Variants in ULK4 observed in about 807,000 individuals in gnomAD.
ULK4 encodes inactive serine/threonine-protein kinase ULK4.
In ULK4, 133 loss-of-function variants were observed where a neutral mutation model predicts 160.6. That is an observed-to-expected ratio of 0.83 (90% CI 0.72 to 0.96). The LOEUF is 0.96. Among genes scored for constraint, ULK4 ranks in the 40% least tolerant of loss-of-function variants. The pLI is 0.00. For synonymous variants in ULK4, 534 were observed against 539.8 expected (o/e 0.99, Z 0.15); for missense variants, 1,580 against 1,499.5 (o/e 1.05, Z -0.89).
chr3:41,843,832 G>T (rs945487444), intron 17 of ULK4, among the ~76,000 whole-genome samples: 1 of 152,076 alleles, frequency 6.6e-6, no homozygotes, highest in Non-Finnish European at 1.5e-5. Flanking sequence ...TGGTAGAGCC[G>T]AGTGGTCTGT....
intron 31 of ULK4, among the ~76,000 whole-genome samples, chr3:41,589,430 CAA>C (rs34913730): frequency 6.9e-5 from 5 of 72,110 alleles, no homozygotes; most frequent in African/African-American, 1.1e-4. Flanking sequence ...AAGGCCAGGC[CAA>C]AAAAAAAAAA....
intron 35 of ULK4, among the ~76,000 whole-genome samples, chr3:41,386,668 G>A (rs2081819359): frequency 6.6e-6 from 1 of 152,078 alleles, no homozygotes; most frequent in East Asian, 1.9e-4. Flanking sequence ...TACTCAATTA[G>A]TCACCAGACC....
At chr3:41,699,500 A>G (rs953475266) in intron 27 of ULK4, among the ~76,000 whole-genome samples, 4 of 152,162 alleles carry the variant, frequency 2.6e-5, no homozygotes, top group Non-Finnish European at 5.9e-5. Context: ...CGAAACCACC[A>G]TGAGTGGGGA....
chr3:41,314,955 A>G (rs577529832), intron 35 of ULK4, among the ~76,000 whole-genome samples: 15 of 152,306 alleles, frequency 9.8e-5, no homozygotes, highest in African/African-American at 3.4e-4. Flanking sequence ...TTGTTTATGC[A>G]GGGTGTATTT....
chr3:41,318,457 TCA>T (rs946096030), intron 35 of ULK4, among the ~76,000 whole-genome samples: 3 of 152,212 alleles, frequency 2.0e-5, no homozygotes, highest in African/African-American at 7.2e-5. Flanking sequence ...GTTCAAAACT[TCA>T]GTTTTCTTAA....
intron 35 of ULK4, among the ~76,000 whole-genome samples, chr3:41,268,798 C>G (rs184465465): frequency 7.2e-6 from 1 of 138,076 alleles, no homozygotes; most frequent in Non-Finnish European, 1.5e-5. Flanking sequence ...AGCAAGACTC[C>G]GTCTCACACA....
intron 13 of ULK4, 96 bp from the exon 14 acceptor site, chr3:41,898,588 G>A: frequency 2.8e-6 from 2 of 707,280 alleles, no homozygotes; most frequent in Non-Finnish European, 4.6e-6. Context: ...AATCAATGAG[G>A]ACAAAAAAAG....
chr3:41,666,429 G>A (rs555881541), intron 29 of ULK4, among the ~76,000 whole-genome samples: 7 of 152,314 alleles, frequency 4.6e-5, no homozygotes, highest in Admixed American at 2.0e-4. Flanking sequence ...CCCTACACAT[G>A]ATGAGTTAAC....
intron 34 of ULK4, among the ~76,000 whole-genome samples, chr3:41,425,246 GA>G (rs1409000428): frequency 6.6e-6 from 1 of 151,786 alleles, no homozygotes; most frequent in African/African-American, 2.4e-5. Flanking sequence ...CAAGATTAGA[GA>G]AAAAATAATA....
rs1329561158 is a variant in ULK4 at position 41,663,654 on chromosome 3, A to G, written c.3024T>C (p.Ala1008=). 6.2e-7 allele frequency: 1 copy of G among 1,614,016 alleles called. No individual in the cohort carries two copies. Among genetic ancestry groups the G allele is most frequent in the Admixed American group, 1.7e-5 (1 of 60,030 alleles). ...CAGTCATCGCGACTAGCAGTTTCAGAGCATATGCTGGTACTGGGTCAGGTT... is the reference window on the plus strand; with the variant it reads ...CAGTCATCGCGACTAGCAGTTTCAGGGCATATGCTGGTACTGGGTCAGGTT... ...LLEPDPVPAY[A]LKLLVAMTEH... The change falls in exon 30 of 37, where the codon GCT becomes GCC. Residue 1008 remains alanine, a synonymous_variant. Transcript: ENST00000301831.
At chr3:41,943,368 A>G (rs367791762) in intron 2 of ULK4, among the ~76,000 whole-genome samples, 1 of 152,128 alleles carries the variant, frequency 6.6e-6, no homozygotes, top group African/African-American at 2.4e-5. Context: ...CTAAAACTGC[A>G]TTACCACCAA....
intron 19 of ULK4, among the ~76,000 whole-genome samples, chr3:41,813,279 C>T (rs1214219028): frequency 6.6e-6 from 1 of 152,082 alleles, no homozygotes; most frequent in Non-Finnish European, 1.5e-5. Context: ...ATCCTGCACA[C>T]ATACCCTAGA....
intron 32 of ULK4, among the ~76,000 whole-genome samples, chr3:41,562,823 G>A (rs1362289477): frequency 6.6e-6 from 1 of 152,118 alleles, no homozygotes; most frequent in Admixed American, 6.6e-5. Flanking sequence ...CAATTTGCCA[G>A]TCTGTGTCTT....
At chr3:41,587,333 C>G (rs994889329) in intron 31 of ULK4, among the ~76,000 whole-genome samples, 1 of 152,164 alleles carries the variant, frequency 6.6e-6, no homozygotes, top group Non-Finnish European at 1.5e-5. Flanking sequence ...CTTTTAAAAG[C>G]TCATGTCATG....
chr3:41,374,930 T>C (rs1444393878), intron 35 of ULK4, among the ~76,000 whole-genome samples: 1 of 152,220 alleles, frequency 6.6e-6, no homozygotes, highest in Non-Finnish European at 1.5e-5. Context: ...ATAAGCAACT[T>C]CAGCAAAGTC....
intron 17 of ULK4, among the ~76,000 whole-genome samples, chr3:41,856,994 A>G (rs1182960861): frequency 6.6e-6 from 1 of 152,102 alleles, no homozygotes; most frequent in Admixed American, 6.6e-5. Flanking sequence ...TTGCTTTCCT[A>G]TTAGACTGGA....
At chr3:41,907,609 A>G (rs1698617118) in intron 12 of ULK4, among the ~76,000 whole-genome samples, 1 of 152,168 alleles carries the variant, frequency 6.6e-6, no homozygotes, top group South Asian at 2.1e-4. Flanking sequence ...CACCTTAAAT[A>G]GGTAAATTGT....
At chr3:41,776,367 A>T (rs888782309) in intron 21 of ULK4, among the ~76,000 whole-genome samples, 3 of 150,764 alleles carry the variant, frequency 2.0e-5, no homozygotes, top group Admixed American at 1.3e-4. Flanking sequence ...TCACAAAGAC[A>T]GTTATGTAAA....
At chr3:41,414,881 A>G (rs978018971) in intron 34 of ULK4, among the ~76,000 whole-genome samples, 1 of 152,178 alleles carries the variant, frequency 6.6e-6, no homozygotes, top group African/African-American at 2.4e-5. Flanking sequence ...TCCCAGGTAC[A>G]CTATATTTTT....
Sources: allele counts gnomAD v4.1 joint callset (sites outside exome capture counted in the v4.1 genomes callset), GRCh38; gene constraint gnomAD v4.1.1; transcripts MANE v1.5; gene names NCBI Gene and HGNC (gene_info 2026-07-23, HGNC 2026-07-21).